Variants in GRID1 observed in about 807,000 individuals in gnomAD.
GRID1 encodes the protein glutamate ionotropic receptor delta type subunit 1.
In GRID1, 28 loss-of-function variants were observed where a neutral mutation model predicts 98.0. The observed-to-expected ratio is 0.29, with a 90% CI of 0.21 to 0.39. GRID1 has a LOEUF of 0.39. GRID1 is among the 10% of genes least tolerant of loss of function. GRID1 has a pLI of 1.00. For missense variants in GRID1, 1,111 were observed against 1,340.5 expected (o/e 0.83, Z 2.67); for synonymous variants, 553 against 538.5 (o/e 1.03, Z -0.37).
Position 85,602,716 on chromosome 10 carries a change from T to C in GRID1, c.2602-15A>G, listed in dbSNP as rs780322771. 3 of 1,596,946 alleles carry C rather than the reference T, an allele frequency of 1.9e-6. No individual in the cohort carries two copies. The Admixed American group carries it at 5.1e-5, about 27-fold the overall frequency. On this transcript the variant is annotated splice_polypyrimidine_tract_variant and intron_variant, in intron 15 of 15. Transcript: ENST00000327946. ...ACTTCTTTGTCCTGGAGGGAAGGCA[T>C]AGGAAGGTCAGGTGGAGCCCTAACA...
At chr10:85,704,177 T>C (rs1267489119) in intron 12 of GRID1, among the ~76,000 whole-genome samples, 1 of 151,986 alleles carries the variant, frequency 6.6e-6, no homozygotes, top group Non-Finnish European at 1.5e-5. Context: ...GACTGGCAAA[T>C]TGGATAAAGA....
rs1419968836 is a variant in GRID1 at position 85,647,459 on chromosome 10, C to A, written c.1998-62G>T. The A allele has an allele frequency of 7.6e-6, 10 of 1,318,700 alleles. No homozygotes were observed. The South Asian group carries it at 8.8e-5, about 12-fold the overall frequency. The allele number at this position is 1,318,700 out of a possible 1,614,324, so 81.7% of individuals were successfully genotyped here. A position where few individuals can be genotyped will look rare whatever the true frequency, so the allele number is the denominator to read the frequency against. On this transcript the variant is annotated intron_variant, in intron 12 of 15. Coordinates refer to ENST00000327946, the MANE Select transcript of GRID1 (RefSeq NM_017551.3). ...CTGTGCATTGCACACTGCAAGGATACAAATGGGCTGCAAGGCCCTTCTGAA... is the reference window on the plus strand; with the variant it reads ...CTGTGCATTGCACACTGCAAGGATAAAAATGGGCTGCAAGGCCCTTCTGAA...
At chr10:85,959,583 CA>C (rs1258977337) in intron 4 of GRID1, among the ~76,000 whole-genome samples, 21 of 141,994 alleles carry the variant, frequency 1.5e-4, no homozygotes, top group African/African-American at 4.6e-4. Flanking sequence ...AGCTCAAGAT[CA>C]GATTCACTTT....
chr10:85,798,080 A>G (rs1158106025), intron 8 of GRID1, among the ~76,000 whole-genome samples: 1 of 152,200 alleles, frequency 6.6e-6, no homozygotes, highest in Non-Finnish European at 1.5e-5. Context: ...CCATATGAGT[A>G]CGTGTCTTTT....
intron 12 of GRID1, among the ~76,000 whole-genome samples, chr10:85,684,719 A>G (rs1357098281): frequency 6.6e-6 from 1 of 152,244 alleles, no homozygotes; most frequent in Non-Finnish European, 1.5e-5. Flanking sequence ...CTGCCATAAT[A>G]CAATATCATA....
Position 86,319,574 on chromosome 10 carries a change from C to T in GRID1, c.235+44367G>A, listed in dbSNP as rs376396753. ...AAAACTCCAGCTACCCTCCCCTCTC[C>T]CCCCAACTCCTGTGGGTAAAGCACC... On this transcript the variant is annotated intron_variant, in intron 2 of 15. Coordinates refer to ENST00000327946, the MANE Select transcript of GRID1 (RefSeq NM_017551.3). Among the ~76,000 whole-genome samples, 10 of 152,286 alleles carry T rather than the reference C, an allele frequency of 6.6e-5. No homozygotes were observed. The East Asian group carries it at 1.7e-3, about 26-fold the overall frequency.
At chr10:86,364,653 G>T (rs1304280885) in intron 1 of GRID1, among the ~76,000 whole-genome samples, 1 of 152,240 alleles carries the variant, frequency 6.6e-6, no homozygotes, top group Non-Finnish European at 1.5e-5. Flanking sequence ...GCTTCGGATG[G>T]CCTGCAGCTT....
At chr10:85,841,917 C>T (rs1279530066) in intron 8 of GRID1, among the ~76,000 whole-genome samples, 1 of 151,990 alleles carries the variant, frequency 6.6e-6, no homozygotes, top group East Asian at 1.9e-4. Flanking sequence ...GACAGTGTAG[C>T]AATTCTTCAA....
At chr10:86,349,700 A>G (rs947638873) in intron 2 of GRID1, among the ~76,000 whole-genome samples, 3 of 152,214 alleles carry the variant, frequency 2.0e-5, no homozygotes, top group Non-Finnish European at 2.9e-5. Context: ...TGCGACCCCA[A>G]GTGGTCCTGA....
intron 12 of GRID1, among the ~76,000 whole-genome samples, chr10:85,696,543 G>A (rs1200694260): frequency 2.6e-5 from 4 of 152,054 alleles, no homozygotes; most frequent in East Asian, 3.9e-4. Context: ...AGCGCATGCC[G>A]AATTTCCATT....
rs767185014 is a variant in GRID1 at position 85,769,761 on chromosome 10, G to A, written c.1234-40147C>T. On this transcript the variant is annotated intron_variant, in intron 8 of 15. Transcript: ENST00000327946. ...TGAGATCAAACTGCAAGGCGGCAGT[G>A]AGGCTGGGGGAGGGGCGCCTGCCAT... 5.9e-5 allele frequency among the ~76,000 whole-genome samples: 9 copies of A among 152,356 alleles called. No individual in the cohort carries two copies. In the East Asian group the frequency reaches 9.7e-4, roughly 16 times the overall value.
chr10:86,175,222 C>T (rs1018606997), intron 3 of GRID1, among the ~76,000 whole-genome samples: 1 of 152,052 alleles, frequency 6.6e-6, no homozygotes, highest in Admixed American at 6.6e-5. Flanking sequence ...CAGGGAGTAG[C>T]CGCAGATAGA....
rs546169292 is a variant in GRID1 at position 85,676,628 on chromosome 10, T to C, written c.1998-29231A>G. Among the ~76,000 whole-genome samples the C allele has an allele frequency of 6.2e-4, 95 of 152,176 alleles. 1 individual carries two copies. Among genetic ancestry groups the C allele is most frequent in the Non-Finnish European group, 1.2e-3 (85 of 68,026 alleles). ...GACGCAGCTTCCAATGAGCCTGCCC[T>C]AGCCCTAGAACAGCAAAGGGAAGCT... On this transcript the variant is annotated intron_variant, in intron 12 of 15. Transcript: ENST00000327946.
chr10:86,199,534 T>G (rs1206428793), intron 3 of GRID1, among the ~76,000 whole-genome samples: 1 of 152,026 alleles, frequency 6.6e-6, no homozygotes, highest in Non-Finnish European at 1.5e-5. Context: ...CCCCCAACTC[T>G]CCAGCCATAT....
intron 12 of GRID1, among the ~76,000 whole-genome samples, chr10:85,688,667 C>T (rs1415349094): frequency 6.6e-6 from 1 of 152,196 alleles, no homozygotes; most frequent in African/African-American, 2.4e-5. Context: ...CTGTGGGAAA[C>T]AAGGACAGGC....
intron 12 of GRID1, among the ~76,000 whole-genome samples, chr10:85,659,152 C>A (rs1840936614): frequency 6.6e-6 from 1 of 152,178 alleles, no homozygotes; most frequent in South Asian, 2.1e-4. Context: ...AGCTGAGAAG[C>A]AGCTATGAAT....
At chr10:85,771,538 A>C (rs1842267666) in intron 8 of GRID1, among the ~76,000 whole-genome samples, 1 of 152,176 alleles carries the variant, frequency 6.6e-6, no homozygotes. Context: ...AAATTGGATA[A>C]AGAGTCAAGA....
intron 4 of GRID1, among the ~76,000 whole-genome samples, chr10:86,129,433 AT>A (rs1427279942): frequency 1.3e-5 from 2 of 152,046 alleles, no homozygotes; most frequent in African/African-American, 4.8e-5. Context: ...CAGCTCTGTC[AT>A]TTTTCATCTT....
chr10:85,632,838 T>C (rs952056790), intron 13 of GRID1, among the ~76,000 whole-genome samples: 2 of 152,224 alleles, frequency 1.3e-5, no homozygotes, highest in African/African-American at 4.8e-5. Context: ...TACCTAGGTA[T>C]TAAGCCTCAC....
Sources: gnomAD v4.1 joint callset for allele counts (sites outside exome capture counted in the v4.1 genomes callset) on GRCh38, gnomAD v4.1.1 for gene constraint, MANE v1.5 for transcripts, NCBI Gene and HGNC (gene_info 2026-07-23, HGNC 2026-07-21) for gene names.